The following PPP4R3A variants were observed in gnomAD, a reference collection of about 807,000 sequenced individuals.
PPP4R3A encodes the protein serine/threonine-protein phosphatase 4 regulatory subunit 3A.
In PPP4R3A, 15 loss-of-function variants were observed where a neutral mutation model predicts 91.7. The observed-to-expected ratio is 0.16, with a 90% confidence interval of 0.11 to 0.25. PPP4R3A has a LOEUF of 0.25. PPP4R3A is among the 10% of genes least tolerant of loss of function. The probability of loss-of-function intolerance (pLI) is 1.00; values close to 1 mark genes in which losing one functional copy is unlikely to be tolerated. For missense variants in PPP4R3A, 623 were observed against 998.4 expected (o/e 0.62, Z 5.07); for synonymous variants, 377 against 348.7 (o/e 1.08, Z -0.91).
intron 9 of PPP4R3A, among the ~76,000 whole-genome samples, chr14:91,471,994 G>A (rs567975096): frequency 4.0e-4 from 59 of 147,354 alleles, no homozygotes; most frequent in African/African-American, 1.4e-3. Context: ...AAACCTGGGA[G>A]GCAGAGGTTG....
At position 91,509,915 on chromosome 14, in the gene PPP4R3A, G is replaced by A; in HGVS notation, c.-268C>T. 1 of 1,056,930 alleles carries A rather than the reference G, an allele frequency of 9.5e-7. No individual in the cohort carries two copies. Among genetic ancestry groups the A allele is most frequent in the Non-Finnish European group, 1.1e-6 (1 of 877,606 alleles). 65.5% of individuals were successfully genotyped at this position (1,056,930 alleles called of 1,614,324 possible). On this transcript the variant is annotated 5_prime_UTR_variant, in exon 1 of 15. Transcript: ENST00000554943. The stretch of plus-strand genomic sequence containing the variant: ...GGCGCCCGGCAGCCCCGAGGGGGCC[G>A]CGCAGCGCTTCGTAGCCTCCCGCCC...
chr14:91,502,225 G>A (rs968183670), intron 1 of PPP4R3A, among the ~76,000 whole-genome samples: 1 of 152,036 alleles, frequency 6.6e-6, no homozygotes, highest in South Asian at 2.1e-4. Flanking sequence ...TTCAAGACTA[G>A]TCTGGGCAAC....
At chr14:91,460,799 T>G (rs1382512799) in intron 14 of PPP4R3A, among the ~76,000 whole-genome samples, 1 of 152,094 alleles carries the variant, frequency 6.6e-6, no homozygotes, top group African/African-American at 2.4e-5. Flanking sequence ...TTTTGTATTT[T>G]TAGTAGAAAC....
chr14:91,470,907 G>C lies in PPP4R3A; in HGVS notation c.1590C>G (p.Tyr530Ter). 6.2e-7 allele frequency: 1 copy of C among 1,612,166 alleles called. No homozygotes were observed. Among genetic ancestry groups the C allele is most frequent in the Non-Finnish European group, 8.5e-7 (1 of 1,179,650 alleles). The change falls in exon 10 of 15, where the codon TAC (tyrosine) becomes TAG (stop). Residue 530 changes from tyrosine to a stop codon, truncating the protein, a stop_gained. Coordinates refer to ENST00000554943, the MANE Select transcript of PPP4R3A (RefSeq NM_001366432.2). LOFTEE classifies it high-confidence loss of function. ...TCCGGAGGATATCCTTATTAATAATGTAGTTCTTTATGTGGTAGGTATGGT... is the reference window on the plus strand; with the variant it reads ...TCCGGAGGATATCCTTATTAATAATCTAGTTCTTTATGTGGTAGGTATGGT... ...VEHHTYHIKN[Y>*]IINKDILRRV...
At chr14:91,494,469 A>T (rs1322544604) in intron 1 of PPP4R3A, among the ~76,000 whole-genome samples, 1 of 152,244 alleles carries the variant, frequency 6.6e-6, no homozygotes, top group Non-Finnish European at 1.5e-5. Context: ...AAATGTGGGC[A>T]ATGAATTTGA....
chr14:91,477,225 G>A (rs1046645253), intron 4 of PPP4R3A, among the ~76,000 whole-genome samples: 28 of 151,344 alleles, frequency 1.9e-4, no homozygotes, highest in African/African-American at 5.6e-4. Context: ...TGAGCTTTGC[G>A]GCCCATGTGA....
intron 10 of PPP4R3A, among the ~76,000 whole-genome samples, chr14:91,467,089 G>A (rs1433460315): frequency 6.6e-6 from 1 of 152,084 alleles, no homozygotes; most frequent in Non-Finnish European, 1.5e-5. Context: ...AAACTGCTGG[G>A]GTAGATAGAA....
chr14:91,460,161 G>A (rs1196746923), intron 14 of PPP4R3A, among the ~76,000 whole-genome samples: 3 of 151,964 alleles, frequency 2.0e-5, no homozygotes, highest in African/African-American at 4.8e-5. Flanking sequence ...ACAGGCGCCC[G>A]CCACCACACG....
At chr14:91,481,016 C>T (rs1288139915) in intron 4 of PPP4R3A, among the ~76,000 whole-genome samples, 1 of 150,922 alleles carries the variant, frequency 6.6e-6, no homozygotes, top group African/African-American at 2.4e-5. Flanking sequence ...GCCTGGGCAA[C>T]AGAGCAAGAC....
intron 1 of PPP4R3A, among the ~76,000 whole-genome samples, chr14:91,504,810 C>T (rs1313316179): frequency 6.6e-6 from 1 of 152,084 alleles, no homozygotes; most frequent in East Asian, 1.9e-4. Flanking sequence ...GACAGATCTG[C>T]TCTGTAACAT....
chr14:91,484,042 C>T (rs1889727480), intron 3 of PPP4R3A, among the ~76,000 whole-genome samples: 1 of 152,064 alleles, frequency 6.6e-6, no homozygotes, highest in Non-Finnish European at 1.5e-5. Flanking sequence ...TTAACATAGC[C>T]TGAACTCATT....
chr14:91,494,111 T>C (rs902943462), intron 1 of PPP4R3A, among the ~76,000 whole-genome samples: 6 of 152,006 alleles, frequency 3.9e-5, no homozygotes, highest in African/African-American at 1.4e-4. Flanking sequence ...AAAACCTACT[T>C]TGAAATACAA....
At chr14:91,499,178 T>C (rs964327428) in intron 1 of PPP4R3A, among the ~76,000 whole-genome samples, 9 of 151,394 alleles carry the variant, frequency 5.9e-5, no homozygotes, top group African/African-American at 1.2e-4. Context: ...GGTAGGAGGA[T>C]TGCTTGAGGC....
intron 1 of PPP4R3A, among the ~76,000 whole-genome samples, chr14:91,492,006 T>A (rs774545923): frequency 1.3e-4 from 20 of 152,196 alleles, no homozygotes; most frequent in Non-Finnish European, 8.8e-5. Flanking sequence ...ACCCAGCCAA[T>A]AAATGTTTTA....
At chr14:91,499,277 T>G (rs1156762545) in intron 1 of PPP4R3A, among the ~76,000 whole-genome samples, 1 of 149,290 alleles carries the variant, frequency 6.7e-6, no homozygotes, top group Non-Finnish European at 1.5e-5. Context: ...AAAAACAAAA[T>G]AAAATATAAA....
At chr14:91,462,334 CA>C in intron 12 of PPP4R3A, 95 bp from the exon 13 acceptor site, 1 of 1,209,672 alleles carries the variant, frequency 8.3e-7, no homozygotes. Flanking sequence ...AGGGAATTAA[CA>C]TGAAATTTAC....
chr14:91,487,158 G>A (rs1889942068), intron 2 of PPP4R3A, among the ~76,000 whole-genome samples: 5 of 150,270 alleles, frequency 3.3e-5, no homozygotes, highest in Admixed American at 2.7e-4. Context: ...GCTGATGTGG[G>A]AGAGTCACTT....
At chr14:91,469,116 TAAA>T (rs34445337) in intron 10 of PPP4R3A, among the ~76,000 whole-genome samples, 2 of 133,156 alleles carry the variant, frequency 1.5e-5, no homozygotes, top group African/African-American at 2.8e-5. Flanking sequence ...ATTTTTTCTG[TAAA>T]AAAAAAAAAA....
At chr14:91,496,975 C>A (rs1718518592) in intron 1 of PPP4R3A, among the ~76,000 whole-genome samples, 1 of 152,128 alleles carries the variant, frequency 6.6e-6, no homozygotes, top group Admixed American at 6.6e-5. Flanking sequence ...TTACCCCCAA[C>A]AAGTTTGTTT....
Sources: allele counts gnomAD v4.1 joint callset (sites outside exome capture counted in the v4.1 genomes callset), GRCh38; gene constraint gnomAD v4.1.1; transcripts MANE v1.5; gene names NCBI Gene and HGNC (gene_info 2026-07-23, HGNC 2026-07-21).